Variants in RPTOR observed in about 807,000 individuals in gnomAD.
RPTOR encodes the protein regulatory-associated protein of mTOR.
Under a neutral mutation model 169.9 loss-of-function variants are expected in RPTOR, and 21 were observed. The observed-to-expected ratio is 0.12, with a 90% CI of 0.09 to 0.18. The LOEUF (loss-of-function observed/expected upper bound fraction) is 0.18. Among genes scored for constraint, RPTOR ranks in the 10% least tolerant of loss-of-function variants. The pLI, the probability that RPTOR is intolerant of heterozygous loss-of-function variation, is 1.00. For synonymous variants in RPTOR, 732 were observed against 753.2 expected, an observed-to-expected ratio of 0.97 and a Z score of 0.46; for missense variants, 1,133 against 1,855.9, an observed-to-expected ratio of 0.61 and a Z score of 7.16.
At chr17:80,781,760 A>G (rs1197346104) in intron 6 of RPTOR, among the ~76,000 whole-genome samples, 1 of 152,254 alleles carries the variant, frequency 6.6e-6, no homozygotes, top group African/African-American at 2.4e-5. Flanking sequence ...TGGGAAGGCA[A>G]GAGAAATTAA....
chr17:80,962,812 C>T lies in RPTOR; in HGVS notation c.3810-116C>T, dbSNP rs911794316. The T allele has an allele frequency of 5.8e-4, 886 of 1,523,908 alleles. 1 individual carries two copies. Among genetic ancestry groups the T allele is most frequent in the Non-Finnish European group, 7.1e-4 (805 of 1,132,062 alleles). 94.4% of individuals were successfully genotyped at this position (1,523,908 alleles called of 1,614,324 possible). A position where few individuals can be genotyped will look rare whatever the true frequency, so the allele number is the denominator to read the frequency against. On this transcript the variant is annotated intron_variant, in intron 32 of 33. Coordinates refer to ENST00000306801, the MANE Select transcript of RPTOR (RefSeq NM_020761.3). ...AGTGACCAGAGGGTCACACCTGCCC[C>T]GAGCCAGCCTGTCCCCGTGGTCTAG...
At chr17:80,722,619 T>C (rs2066296641) in intron 4 of RPTOR, among the ~76,000 whole-genome samples, 1 of 151,164 alleles carries the variant, frequency 6.6e-6, no homozygotes, top group South Asian at 2.1e-4. Context: ...TTCAGTAATT[T>C]CTGGAGAGCA....
intron 1 of RPTOR, among the ~76,000 whole-genome samples, chr17:80,610,593 G>A (rs1395900091): frequency 6.6e-6 from 1 of 152,124 alleles, no homozygotes; most frequent in Non-Finnish European, 1.5e-5. Flanking sequence ...ACTCCCGGGT[G>A]CTTCTTGCTG....
chr17:80,894,882 C>G (rs999525967), intron 20 of RPTOR, among the ~76,000 whole-genome samples: 1 of 152,230 alleles, frequency 6.6e-6, no homozygotes, highest in African/African-American at 2.4e-5. Context: ...GGCCATGAGC[C>G]CTGGCACACA....
chr17:80,747,131 C>T (rs566535641), intron 5 of RPTOR, among the ~76,000 whole-genome samples: 2 of 152,300 alleles, frequency 1.3e-5, no homozygotes, highest in East Asian at 1.9e-4. Context: ...GGAGGTGAAT[C>T]GCTTGAACCT....
At chr17:80,714,090 C>G (rs1485071165) in intron 4 of RPTOR, among the ~76,000 whole-genome samples, 1 of 152,084 alleles carries the variant, frequency 6.6e-6, no homozygotes, top group Admixed American at 6.5e-5. Flanking sequence ...AGGCGCCCAC[C>G]ACCACGCCTG....
At chr17:80,895,760 G>A (rs1311505538) in intron 20 of RPTOR, among the ~76,000 whole-genome samples, 1 of 152,210 alleles carries the variant, frequency 6.6e-6, no homozygotes, top group East Asian at 1.9e-4. Context: ...TCTCTACCAC[G>A]CCGGTCTTGG....
At chr17:80,896,516 C>A (rs1364077982) in intron 20 of RPTOR, among the ~76,000 whole-genome samples, 3 of 146,182 alleles carry the variant, frequency 2.1e-5, no homozygotes, top group African/African-American at 5.1e-5. Flanking sequence ...CGCACCGACA[C>A]CCCGCATAGC....
intron 3 of RPTOR, among the ~76,000 whole-genome samples, chr17:80,686,495 A>G (rs2065949076): frequency 6.6e-6 from 1 of 151,872 alleles, no homozygotes; most frequent in Non-Finnish European, 1.5e-5. Flanking sequence ...GTGCAGTTCT[A>G]CCCTCACGAC....
At chr17:80,642,055 A>G (rs2065558293) in intron 2 of RPTOR, among the ~76,000 whole-genome samples, 1 of 152,230 alleles carries the variant, frequency 6.6e-6, no homozygotes, top group Non-Finnish European at 1.5e-5. Flanking sequence ...TTCCACTGAT[A>G]AAATTTGAGA....
chr17:80,733,968 C>T, intron 5 of RPTOR, among the ~76,000 whole-genome samples: 1 of 152,128 alleles, frequency 6.6e-6, no homozygotes, highest in East Asian at 1.9e-4. Flanking sequence ...TCTTTTACAG[C>T]TTCTGTTATC....
At chr17:80,862,914 C>T (rs757903945) in intron 13 of RPTOR, among the ~76,000 whole-genome samples, 25 of 152,196 alleles carry the variant, frequency 1.6e-4, no homozygotes, top group Non-Finnish European at 2.6e-4. Context: ...CCCCTGCTGC[C>T]GCCAGCCGGC....
intron 4 of RPTOR, among the ~76,000 whole-genome samples, chr17:80,714,178 T>G (rs2066220818): frequency 6.6e-6 from 1 of 152,168 alleles, no homozygotes; most frequent in Non-Finnish European, 1.5e-5. Context: ...TGACCTCAGG[T>G]GATCTGCCGG....
chr17:80,709,151 T>C (rs757904518), intron 4 of RPTOR: 2 of 908,516 alleles, frequency 2.2e-6, no homozygotes, highest in Non-Finnish European at 2.6e-6. Context: ...CACAGGGCAG[T>C]GCCATCTCTC....
intron 20 of RPTOR, among the ~76,000 whole-genome samples, chr17:80,895,185 C>G (rs549597525): frequency 8.0e-4 from 122 of 152,328 alleles, no homozygotes; most frequent in African/African-American, 2.5e-3. Flanking sequence ...CTCGCTGCAC[C>G]CAGCTCTGCT....
chr17:80,583,186 T>TTTTTTTTTG (rs2065030372), intron 1 of RPTOR, among the ~76,000 whole-genome samples: 2 of 112,972 alleles, frequency 1.8e-5, no homozygotes, highest in Non-Finnish European at 2.0e-5. Flanking sequence ...TTTCCTGTTT[T>TTTTTTTTTG]TTTTTTTTTT....
At position 80,660,210 on chromosome 17, in the gene RPTOR, G is replaced by T. The variant is rs184170579; in HGVS notation, c.348+16400G>T. ...TGCTTGAACCCAGGAGATGGAGGTT[G>T]CAGTGAGCCGAGATCGCACCACTGC... On this transcript the variant is annotated intron_variant, in intron 3 of 33. Transcript: ENST00000306801. Among the ~76,000 whole-genome samples the T allele has an allele frequency of 4.8e-3, 729 of 151,298 alleles. 6 individuals carry two copies. The highest frequency in any genetic ancestry group is 0.017 in the African/African-American group (684 of 41,152).
chr17:80,947,311 T>C lies in RPTOR; in HGVS notation c.3225T>C (p.Tyr1075=). 6.2e-7 allele frequency: 1 copy of C among 1,603,718 alleles called. No individual in the cohort carries two copies. The highest frequency in any genetic ancestry group is 2.3e-5 in the East Asian group (1 of 43,902). Residue 1075 remains tyrosine (Y), a synonymous_variant, in exon 27 of 34, where the codon TAT becomes TAC. Coordinates refer to ENST00000306801, the MANE Select transcript of RPTOR (RefSeq NM_020761.3). The surrounding 1 kb of genome is among the most constrained non-coding windows in gnomAD (Gnocchi z 4.4). ...ACACGAGGGTCACTGCCATGGAGTA[T>C]CTGAACGGCCAGGACTGCTCGCTTC... The part of the protein sequence containing the change: ...PRYTRVTAME[Y]LNGQDCSLLL...
rs57796737 is a variant in RPTOR at position 80,682,117 on chromosome 17, C to CCCT, written c.349-25724_349-25723insCCT. Among the ~76,000 whole-genome samples the CCCT allele has an allele frequency of 8.2e-4, 105 of 128,026 alleles. 2 individuals are homozygous for CCCT. Among genetic ancestry groups the CCCT allele is most frequent in the Middle Eastern group, 4.1e-3 (1 of 246 alleles). 84.0% of individuals were successfully genotyped at this position (128,026 alleles called of 152,430 possible). On this transcript the variant is annotated intron_variant, in intron 3 of 33. Coordinates refer to ENST00000306801, the MANE Select transcript of RPTOR (RefSeq NM_020761.3). ...AAAGATGTGATTAGGTCCCCCCCCC[C>CCCT]ACCCCAAACAAAGTCTCGCTCTGTC...
Sources: allele counts gnomAD v4.1 joint callset (sites outside exome capture counted in the v4.1 genomes callset), GRCh38; gene constraint gnomAD v4.1.1; non-coding constraint Gnocchi (gnomAD v3.1); transcripts MANE v1.5; gene names NCBI Gene and HGNC (gene_info 2026-07-23, HGNC 2026-07-21).